SOX5: variants seen among roughly 807,000 people sequenced by gnomAD.
SOX5 encodes SRY-box transcription factor 5, also known as transcription factor SOX-5.
A neutral mutation model predicts 92.0 loss-of-function variants in SOX5; 9 were observed. That is an observed-to-expected ratio of 0.10 (90% confidence interval 0.06 to 0.17). The LOEUF (loss-of-function observed/expected upper bound fraction) is 0.17. Ranked by LOEUF, SOX5 falls within the 10% of genes least tolerant of loss-of-function variation. The probability of loss-of-function intolerance (pLI) is 1.00; values close to 1 mark genes in which losing one functional copy is unlikely to be tolerated. For synonymous variants in SOX5, 344 were observed against 336.3 expected (o/e 1.02, Z -0.25); for missense variants, 642 against 944.5 (o/e 0.68, Z 4.20).
At chr12:23,598,812 T>G (rs1952940887) in intron 9 of SOX5, among the ~76,000 whole-genome samples, 1 of 152,206 alleles carries the variant, frequency 6.6e-6, no homozygotes, top group Non-Finnish European at 1.5e-5. Context: ...ATGTGCGGTT[T>G]GTATTCTGCC....
intron 3 of SOX5, among the ~76,000 whole-genome samples, chr12:23,827,684 T>G (rs965542052): frequency 6.6e-6 from 1 of 152,230 alleles, no homozygotes; most frequent in African/African-American, 2.4e-5. Context: ...TCTCTACATA[T>G]GAGCTGCATG....
chr12:24,106,677 A>G (rs567108564), intron 4 of SOX5, among the ~76,000 whole-genome samples: 14 of 151,832 alleles, frequency 9.2e-5, no homozygotes, highest in Admixed American at 8.5e-4. Context: ...CTCTAATCCC[A>G]GGTATTCGGG....
intron 1 of SOX5, among the ~76,000 whole-genome samples, chr12:23,912,386 C>T (rs2097361510): frequency 6.6e-6 from 1 of 152,160 alleles, no homozygotes; most frequent in Admixed American, 6.5e-5. Flanking sequence ...TTGGAACCAT[C>T]AAAGATTGCT....
At chr12:23,675,398 C>A (rs1371686992) in intron 6 of SOX5, among the ~76,000 whole-genome samples, 1 of 152,052 alleles carries the variant, frequency 6.6e-6, no homozygotes, top group Non-Finnish European at 1.5e-5. Context: ...TAACCCCAAG[C>A]CTACAAGGTC....
intron 1 of SOX5, among the ~76,000 whole-genome samples, chr12:24,438,423 AG>A (rs962872244): frequency 7.2e-5 from 11 of 152,050 alleles, no homozygotes; most frequent in Non-Finnish European, 1.2e-4. Context: ...CAGGACTTAA[AG>A]TATAGTTAAA....
intron 1 of SOX5, among the ~76,000 whole-genome samples, chr12:24,475,731 C>T (rs1336798779): frequency 1.3e-5 from 2 of 152,146 alleles, no homozygotes; most frequent in African/African-American, 4.8e-5. Context: ...CCTGTAATCC[C>T]AGCACTTTGG....
At chr12:24,117,808 C>A (rs1019855960) in intron 4 of SOX5, among the ~76,000 whole-genome samples, 1 of 151,642 alleles carries the variant, frequency 6.6e-6, no homozygotes, top group Non-Finnish European at 1.5e-5. Flanking sequence ...GCACTTGAGG[C>A]GAGGGATTCA....
intron 8 of SOX5, among the ~76,000 whole-genome samples, chr12:23,622,686 T>A (rs1014174937): frequency 6.6e-6 from 1 of 152,116 alleles, no homozygotes. Context: ...ATCTGGTACA[T>A]CACACTTCCA....
chr12:23,913,433 G>C (rs559221360), intron 1 of SOX5, among the ~76,000 whole-genome samples: 1 of 151,296 alleles, frequency 6.6e-6, no homozygotes, highest in Non-Finnish European at 1.5e-5. Context: ...TTTGACGACT[G>C]TTCTAAAACA....
At chr12:23,902,465 G>A (rs1362818796) in intron 1 of SOX5, among the ~76,000 whole-genome samples, 1 of 152,090 alleles carries the variant, frequency 6.6e-6, no homozygotes, top group Non-Finnish European at 1.5e-5. Context: ...CTAGAAAGAG[G>A]AAACTCAAAT....
intron 4 of SOX5, among the ~76,000 whole-genome samples, chr12:24,072,897 T>C (rs1032108047): frequency 1.3e-5 from 2 of 151,810 alleles, no homozygotes; most frequent in African/African-American, 2.4e-5. Flanking sequence ...ACACATAAAA[T>C]TTTTTTTTAA....
At chr12:24,345,221 A>G (rs1953089503) in intron 2 of SOX5, among the ~76,000 whole-genome samples, 1 of 152,248 alleles carries the variant, frequency 6.6e-6, no homozygotes, top group African/African-American at 2.4e-5. Context: ...ATTTTATTTT[A>G]GAATGAATTC....
chr12:23,785,004 C>A (rs182294063), intron 3 of SOX5, among the ~76,000 whole-genome samples: 1 of 152,166 alleles, frequency 6.6e-6, no homozygotes, highest in Admixed American at 6.5e-5. Context: ...GCCACTTGAG[C>A]CTGGGAGATC....
intron 4 of SOX5, among the ~76,000 whole-genome samples, chr12:24,209,304 AT>A (rs893691723): frequency 2.6e-5 from 4 of 152,216 alleles, no homozygotes; most frequent in African/African-American, 9.6e-5. Flanking sequence ...TCTTAGATGA[AT>A]ATGTGAAGTG....
At chr12:23,891,729 G>A (rs1595424058) in intron 2 of SOX5, among the ~76,000 whole-genome samples, 1 of 152,204 alleles carries the variant, frequency 6.6e-6, no homozygotes, top group East Asian at 1.9e-4. Flanking sequence ...AACCTATTTT[G>A]TGAATATGAC....
chr12:23,892,884 T>G (rs1234528658), intron 2 of SOX5, among the ~76,000 whole-genome samples: 1 of 152,106 alleles, frequency 6.6e-6, no homozygotes, highest in Non-Finnish European at 1.5e-5. Flanking sequence ...TCTCAATTCG[T>G]TTTTAGGAGA....
At chr12:24,403,652 C>G (rs1393949142) in intron 1 of SOX5, among the ~76,000 whole-genome samples, 1 of 152,204 alleles carries the variant, frequency 6.6e-6, no homozygotes, top group African/African-American at 2.4e-5. Flanking sequence ...ACCCTGCACA[C>G]CTGTGCCAAG....
intron 4 of SOX5, among the ~76,000 whole-genome samples, chr12:24,130,326 C>G (rs756520275): frequency 6.6e-6 from 1 of 152,174 alleles, no homozygotes; most frequent in Non-Finnish European, 1.5e-5. Flanking sequence ...TTTTGAAAGT[C>G]TCTTTAGCTC....
chr12:24,467,966 C>T (rs1158741813), intron 1 of SOX5, among the ~76,000 whole-genome samples: 1 of 152,176 alleles, frequency 6.6e-6, no homozygotes, highest in Non-Finnish European at 1.5e-5. Context: ...CTGTCTATGC[C>T]AATATCCTTG....
Sources: gnomAD v4.1 joint callset for allele counts (sites outside exome capture counted in the v4.1 genomes callset) on GRCh38, gnomAD v4.1.1 for gene constraint, MANE v1.5 for transcripts, NCBI Gene and HGNC (gene_info 2026-07-23, HGNC 2026-07-21) for gene names.